Variants in LRMDA observed in about 807,000 individuals in gnomAD.
The protein encoded by LRMDA is leucine rich melanocyte differentiation associated, also known as leucine-rich melanocyte differentiation-associated protein.
In LRMDA, 18 loss-of-function variants were observed where a neutral mutation model predicts 29.8. The ratio of observed to expected loss-of-function variants is 0.60; its 90% CI spans 0.42 to 0.90. The LOEUF is 0.90. Among genes scored for constraint, LRMDA ranks in the 40% least tolerant of loss-of-function variants. LRMDA has a pLI of 0.00. For missense variants in LRMDA, 273 were observed against 273.9 expected (o/e 1.00, Z 0.02); for synonymous variants, 125 against 109.4 (o/e 1.14, Z -0.89).
chr10:75,976,648 A>G (rs746741304), intron 2 of LRMDA, among the ~76,000 whole-genome samples: 14 of 152,222 alleles, frequency 9.2e-5, no homozygotes, highest in Admixed American at 8.5e-4. Flanking sequence ...TTTGCCAGGC[A>G]TTGTCCCAAG....
chr10:75,769,138 T>C (rs1161978212), intron 2 of LRMDA, among the ~76,000 whole-genome samples: 1 of 152,170 alleles, frequency 6.6e-6, no homozygotes, highest in Non-Finnish European at 1.5e-5. Context: ...TGCTGTCAGA[T>C]TGGAGAAGTT....
rs570147426 is a variant in LRMDA at position 76,071,348 on chromosome 10, A to G, written c.516+12565A>G. Reference sequence around the variant, plus strand: ...CCAAGTACTGTATTATGAAACAAACAAACAAAAAAATCTGTTCAGTTTAAT... The same window carrying G: ...CCAAGTACTGTATTATGAAACAAACGAACAAAAAAATCTGTTCAGTTTAAT... On this transcript the variant is annotated intron_variant, in intron 5 of 6. Coordinates refer to ENST00000611255, the MANE Select transcript of LRMDA (RefSeq NM_001305581.2). Among the ~76,000 whole-genome samples, 12 of 152,370 alleles carry G rather than the reference A, an allele frequency of 7.9e-5. No homozygotes were observed. In the South Asian group the frequency reaches 2.5e-3, roughly 32 times the overall value.
intron 2 of LRMDA, among the ~76,000 whole-genome samples, chr10:75,597,660 ATCTTTAAATAAGACGATTGG>A (rs1477121089): frequency 6.6e-6 from 1 of 152,118 alleles, no homozygotes; most frequent in Non-Finnish European, 1.5e-5. Flanking sequence ...ACTTTTTTTA[ATCTTTAAATAAGACGATTGG>A]TAGCCTGTTG....
chr10:76,234,475 A>T (rs1399275560), intron 5 of LRMDA, among the ~76,000 whole-genome samples: 1 of 152,196 alleles, frequency 6.6e-6, no homozygotes, highest in African/African-American at 2.4e-5. Flanking sequence ...ATTAGCTCTT[A>T]TCAAGAGAGT....
At chr10:76,009,148 A>G (rs1375937513) in intron 2 of LRMDA, among the ~76,000 whole-genome samples, 3 of 152,106 alleles carry the variant, frequency 2.0e-5, no homozygotes, top group African/African-American at 7.2e-5. Context: ...TCTGCTTTTA[A>G]TGACCACCAT....
At chr10:76,316,554 G>A (rs1181457636) in intron 5 of LRMDA, among the ~76,000 whole-genome samples, 1 of 152,170 alleles carries the variant, frequency 6.6e-6, no homozygotes, top group African/African-American at 2.4e-5. Flanking sequence ...AGGCAAAGGC[G>A]CCACGGGCCA....
In LRMDA at chr10:75,565,585, G is replaced by T. The variant is rs150324458; in HGVS notation, c.131+127091G>T. ...CTTGGAGGTGCTGAAGTATGCGAGA[G>T]AACTGCATTGTGGGAGGAGCCCTCT... On this transcript the variant is annotated intron_variant, in intron 2 of 6. Coordinates refer to ENST00000611255, the MANE Select transcript of LRMDA (RefSeq NM_001305581.2). Among the ~76,000 whole-genome samples the T allele has an allele frequency of 2.6e-5, 4 of 152,218 alleles. 1 individual carries two copies. The South Asian group carries it at 8.3e-4, about 32-fold the overall frequency.
At chr10:75,852,063 T>C (rs1844741152) in intron 2 of LRMDA, among the ~76,000 whole-genome samples, 1 of 152,166 alleles carries the variant, frequency 6.6e-6, no homozygotes, top group Non-Finnish European at 1.5e-5. Context: ...TTCTTTGTCT[T>C]ACAACTCAGA....
chr10:75,781,831 T>C (rs747797289), intron 2 of LRMDA, among the ~76,000 whole-genome samples: 1 of 152,192 alleles, frequency 6.6e-6, no homozygotes, highest in Non-Finnish European at 1.5e-5. Flanking sequence ...TCACAGAGAA[T>C]TGAGGTGGTA....
At chr10:75,450,278 T>A (rs1022480204) in intron 2 of LRMDA, 6 of 152,162 alleles carry the variant, frequency 3.9e-5, no homozygotes, top group Admixed American at 3.9e-4. Flanking sequence ...GAGTGTTTTT[T>A]TAAAGCTCCT....
intron 2 of LRMDA, among the ~76,000 whole-genome samples, chr10:75,615,835 G>C (rs937257370): frequency 6.6e-6 from 1 of 152,198 alleles, no homozygotes; most frequent in African/African-American, 2.4e-5. Context: ...CTTTGGATCA[G>C]TGTTTCCCAA....
intron 6 of LRMDA, among the ~76,000 whole-genome samples, chr10:76,430,336 C>T (rs1236587112): frequency 6.6e-6 from 1 of 152,166 alleles, no homozygotes; most frequent in African/African-American, 2.4e-5. Flanking sequence ...GTTCAAGAAT[C>T]TTTTCAAGGG....
At chr10:76,252,026 G>A (rs1365894934) in intron 5 of LRMDA, among the ~76,000 whole-genome samples, 1 of 152,162 alleles carries the variant, frequency 6.6e-6, no homozygotes, top group Non-Finnish European at 1.5e-5. Flanking sequence ...GAATTCTTAG[G>A]TGTCACTTCC....
At chr10:76,022,037 T>C (rs1288794465) in intron 2 of LRMDA, among the ~76,000 whole-genome samples, 2 of 152,224 alleles carry the variant, frequency 1.3e-5, no homozygotes, top group Non-Finnish European at 2.9e-5. Flanking sequence ...CTGTACTTTA[T>C]GTTAAAAGTC....
chr10:76,049,402 C>G (rs1447165956), intron 4 of LRMDA, among the ~76,000 whole-genome samples: 1 of 152,152 alleles, frequency 6.6e-6, no homozygotes, highest in South Asian at 2.1e-4. Flanking sequence ...GAATCAGGGA[C>G]TAGGAACAGC....
chr10:75,881,903 C>G (rs76143579), intron 2 of LRMDA, among the ~76,000 whole-genome samples: 1 of 152,218 alleles, frequency 6.6e-6, no homozygotes, highest in Non-Finnish European at 1.5e-5. Context: ...AGTCAAGACC[C>G]TCTCCTGGTA....
chr10:76,261,404 G>A (rs1292176105), intron 5 of LRMDA, among the ~76,000 whole-genome samples: 1 of 151,878 alleles, frequency 6.6e-6, no homozygotes, highest in Non-Finnish European at 1.5e-5. Flanking sequence ...AATCACCTGG[G>A]TCAGACCCAC....
chr10:76,181,819 T>C (rs983708638), intron 5 of LRMDA, among the ~76,000 whole-genome samples: 1 of 152,208 alleles, frequency 6.6e-6, no homozygotes, highest in Non-Finnish European at 1.5e-5. Context: ...TGGGACTAAA[T>C]CTCACAGGGG....
intron 2 of LRMDA, among the ~76,000 whole-genome samples, chr10:75,458,656 G>A (rs1385456210): frequency 6.6e-6 from 1 of 152,124 alleles, no homozygotes; most frequent in Admixed American, 6.5e-5. Context: ...GCTCAGAGAA[G>A]AATTTTATCA....
Sources: gnomAD v4.1 joint callset for allele counts (sites outside exome capture counted in the v4.1 genomes callset) on GRCh38, gnomAD v4.1.1 for gene constraint, MANE v1.5 for transcripts, NCBI Gene and HGNC (gene_info 2026-07-23, HGNC 2026-07-21) for gene names.